The following DPYSL5 variants were observed in gnomAD, a reference collection of about 807,000 sequenced individuals.
The protein encoded by DPYSL5 is dihydropyrimidinase like 5, also known as dihydropyrimidinase-related protein 5.
DPYSL5 carries 9 observed loss-of-function variants against 58.4 expected under a neutral mutation model. That is an observed-to-expected ratio of 0.15 (90% CI 0.09 to 0.27). The LOEUF (loss-of-function observed/expected upper bound fraction) is 0.27, where lower values mean the gene tolerates loss of function less well. Among genes scored for constraint, DPYSL5 ranks in the 10% least tolerant of loss-of-function variants. The probability of loss-of-function intolerance (pLI) is 1.00; values close to 1 mark genes in which losing one functional copy is unlikely to be tolerated. For synonymous variants in DPYSL5, 293 were observed against 301.9 expected (o/e 0.97, Z 0.31); for missense variants, 499 against 770.6 (o/e 0.65, Z 4.17).
Position 26,927,534 on chromosome 2 carries a change from C to A in DPYSL5, c.600+102C>A. ...CGTCACTGATCCCACAGGATTCAGA[C>A]AAAATCAGTTGTTAAAGTGTGAGGT... On this transcript the variant is annotated intron_variant, in intron 4 of 12. Coordinates refer to ENST00000288699, the MANE Select transcript of DPYSL5 (RefSeq NM_020134.4). The surrounding 1 kb of genome is among the most constrained non-coding windows in gnomAD (Gnocchi z 4.3). 7.0e-7 allele frequency: 1 copy of A among 1,433,168 alleles called. No individual in the cohort carries two copies. The highest frequency in any genetic ancestry group is 9.4e-7 in the Non-Finnish European group (1 of 1,065,444). The allele number at this position is 1,433,168 out of a possible 1,614,324, so 88.8% of individuals were successfully genotyped here.
At chr2:26,923,710 G>T (rs911618228) in intron 2 of DPYSL5, among the ~76,000 whole-genome samples, 3 of 152,100 alleles carry the variant, frequency 2.0e-5, no homozygotes, top group Non-Finnish European at 2.9e-5. Flanking sequence ...GCCCAGGCTG[G>T]AGTGCAATGC....
intron 12 of DPYSL5, among the ~76,000 whole-genome samples, chr2:26,945,487 G>A (rs1228790830): frequency 2.0e-5 from 3 of 151,634 alleles, no homozygotes; most frequent in East Asian, 1.9e-4. Flanking sequence ...TTAAAGCCAC[G>A]ATCTGCAGTT....
chr2:26,848,509 A>C (rs961945058), intron 1 of DPYSL5: 1 of 152,190 alleles, frequency 6.6e-6, no homozygotes, highest in Non-Finnish European at 1.5e-5. Context: ...TAAGCGTTTA[A>C]TGCGTGCTCG....
chr2:26,934,768 G>GTACA lies in DPYSL5; in HGVS notation c.947+36_947+39dup. 1.9e-6 allele frequency: 3 copies of GTACA among 1,611,212 alleles called. No homozygotes were observed. Among genetic ancestry groups the GTACA allele is most frequent in the Non-Finnish European group, 2.5e-6 (3 of 1,178,254 alleles). ...TTTCAGCAGCACATTGCAGGGATGT[G>GTACA]TACATCTTTAGGAAGACGTCATAGA... is the stretch of plus-strand genomic sequence containing the variant. On this transcript the variant is annotated intron_variant, in intron 8 of 12. Coordinates refer to ENST00000288699, the MANE Select transcript of DPYSL5 (RefSeq NM_020134.4). This position sits in a 1 kb window ranked among gnomAD's most constrained non-coding sequence, Gnocchi z 4.3.
chr2:26,894,407 C>T (rs1663962190), intron 1 of DPYSL5, among the ~76,000 whole-genome samples: 1 of 152,210 alleles, frequency 6.6e-6, no homozygotes, highest in Non-Finnish European at 1.5e-5. Flanking sequence ...TGCACATCAC[C>T]TCCTCCTACA....
At chr2:26,854,768 A>G (rs2148104052) in intron 1 of DPYSL5, among the ~76,000 whole-genome samples, 1 of 152,196 alleles carries the variant, frequency 6.6e-6, no homozygotes, top group South Asian at 2.1e-4. Flanking sequence ...TTTTCCAGCT[A>G]CTGAGACCTC....
chr2:26,852,617 C>T (rs1286247806), intron 1 of DPYSL5, among the ~76,000 whole-genome samples: 1 of 152,206 alleles, frequency 6.6e-6, no homozygotes, highest in Non-Finnish European at 1.5e-5. Context: ...TCGTCACAAT[C>T]CAGGCTCAGC....
At chr2:26,857,950 A>G (rs1178167724) in intron 1 of DPYSL5, among the ~76,000 whole-genome samples, 1 of 152,204 alleles carries the variant, frequency 6.6e-6, no homozygotes, top group Non-Finnish European at 1.5e-5. Flanking sequence ...AGTGTGCATA[A>G]AGGACAGTGG....
chr2:26,928,342 A>G lies in DPYSL5; in HGVS notation c.669+19A>G. The G allele has an allele frequency of 6.2e-7, 1 of 1,612,348 alleles. No individual in the cohort carries two copies. Among genetic ancestry groups the G allele is most frequent in the Non-Finnish European group, 8.5e-7 (1 of 1,178,724 alleles). ...AGAGGAGGTGAGAAACACTTCCTGT[A>G]GCCTTTGTCAGCGTCTCTCATGTAG... is the stretch of plus-strand genomic sequence containing the variant. On this transcript the variant is annotated intron_variant, in intron 5 of 12. Transcript: ENST00000288699.
chr2:26,903,810 C>T (rs1664219961), intron 2 of DPYSL5, among the ~76,000 whole-genome samples: 1 of 152,204 alleles, frequency 6.6e-6, no homozygotes, highest in African/African-American at 2.4e-5. Flanking sequence ...AGCTTCTGTG[C>T]TTGTTAAGTT....
At chr2:26,882,412 A>AG (rs1663593234) in intron 1 of DPYSL5, among the ~76,000 whole-genome samples, 2 of 139,338 alleles carry the variant, frequency 1.4e-5, no homozygotes, top group Non-Finnish European at 3.1e-5. Flanking sequence ...TGCCCAGCTT[A>AG]TTGTGTGTGT....
intron 2 of DPYSL5, among the ~76,000 whole-genome samples, chr2:26,917,611 A>T (rs963582398): frequency 6.6e-6 from 1 of 152,142 alleles, no homozygotes; most frequent in Non-Finnish European, 1.5e-5. Flanking sequence ...ATCATCAGAG[A>T]AAGGGCCAAG....
At chr2:26,884,482 G>A (rs534321487) in intron 1 of DPYSL5, among the ~76,000 whole-genome samples, 1 of 150,930 alleles carries the variant, frequency 6.6e-6, no homozygotes, top group South Asian at 2.1e-4. Context: ...GGAGGTGCAC[G>A]TGAACACACA....
chr2:26,935,597 G>C (rs1214823660), intron 8 of DPYSL5, among the ~76,000 whole-genome samples: 2 of 150,764 alleles, frequency 1.3e-5, no homozygotes, highest in Admixed American at 6.6e-5. Flanking sequence ...GCTGAGGCAG[G>C]AGAATCACTT....
chr2:26,913,867 G>A (rs1664497890), intron 2 of DPYSL5, among the ~76,000 whole-genome samples: 1 of 150,554 alleles, frequency 6.6e-6, no homozygotes, highest in East Asian at 1.9e-4. Flanking sequence ...GCATGGAAAT[G>A]TGCTTCGTGT....
chr2:26,943,227 G>C (rs982414070), intron 11 of DPYSL5, among the ~76,000 whole-genome samples: 6 of 152,180 alleles, frequency 3.9e-5, no homozygotes, highest in East Asian at 1.9e-4. Flanking sequence ...CTGGCACACA[G>C]AGCACACGAG....
rs1665116418 is a variant in DPYSL5 at position 26,934,290 on chromosome 2, T to C, written c.791-288T>C. On this transcript the variant is annotated intron_variant, in intron 7 of 12. Coordinates refer to ENST00000288699, the MANE Select transcript of DPYSL5 (RefSeq NM_020134.4). This position sits in a 1 kb window ranked among gnomAD's most constrained non-coding sequence, Gnocchi z 4.3. ...CAAGCTCCATCTGCCAACAGCACCC[T>C]GCACACACCAGTGCTCTGGTCATCT... Among the ~76,000 whole-genome samples the C allele has an allele frequency of 6.6e-6, 1 of 152,204 alleles. No individual in the cohort carries two copies.
chr2:26,935,866 A>G (rs1238461658), intron 8 of DPYSL5, among the ~76,000 whole-genome samples: 1 of 152,168 alleles, frequency 6.6e-6, no homozygotes, highest in East Asian at 1.9e-4. Flanking sequence ...ATACCCAAGC[A>G]TGCATCCCTC....
chr2:26,861,600 C>T lies in DPYSL5; in HGVS notation c.-5+13346C>T, dbSNP rs188870393. 3.3e-5 allele frequency among the ~76,000 whole-genome samples: 5 copies of T among 152,276 alleles called. No homozygotes were observed. In the East Asian group the frequency reaches 9.7e-4, roughly 29 times the overall value. ...TGGTGATTTTTGCCTTCTTTGGTCT[C>T]GGATGATGGGTTAGGAAGCCTCTGG... On this transcript the variant is annotated intron_variant, in intron 1 of 12. Transcript: ENST00000288699.
Sources: gnomAD v4.1 joint callset for allele counts (sites outside exome capture counted in the v4.1 genomes callset) on GRCh38, gnomAD v4.1.1 for gene constraint, Gnocchi (gnomAD v3.1) non-coding constraint, MANE v1.5 for transcripts, NCBI Gene and HGNC (gene_info 2026-07-23, HGNC 2026-07-21) for gene names.